CRLS1: variants seen among roughly 807,000 people sequenced by gnomAD.
The protein encoded by CRLS1 is cardiolipin synthase 1, also known as cardiolipin synthase (CMP-forming).
Under a neutral mutation model 37.0 loss-of-function variants are expected in CRLS1, and 24 were observed. The observed-to-expected ratio is 0.65, with a 90% CI of 0.47 to 0.91. The LOEUF is 0.91. CRLS1 is among the 40% of genes least tolerant of loss of function. CRLS1 has a pLI of 0.00. For missense variants in CRLS1, 373 were observed against 395.8 expected, an observed-to-expected ratio of 0.94 and a Z score of 0.49; for synonymous variants, 135 against 159.7, an observed-to-expected ratio of 0.85 and a Z score of 1.17.
intron 3 of CRLS1, among the ~76,000 whole-genome samples, chr20:6,025,005 C>T (rs1256599709): frequency 2.0e-5 from 3 of 152,176 alleles, no homozygotes; most frequent in Non-Finnish European, 4.4e-5. Flanking sequence ...ATCTCCATAA[C>T]ATGGAAGTGC....
intron 3 of CRLS1, among the ~76,000 whole-genome samples, chr20:6,027,149 T>A (rs1477692582): frequency 6.6e-6 from 1 of 151,514 alleles, no homozygotes; most frequent in African/African-American, 2.4e-5. Context: ...AATGGCGCTA[T>A]CTCGGCTCAC....
intron 2 of CRLS1, among the ~76,000 whole-genome samples, chr20:6,010,707 A>T (rs1406737880): frequency 1.3e-5 from 2 of 152,234 alleles, no homozygotes; most frequent in Non-Finnish European, 2.9e-5. Context: ...GTATGACATT[A>T]TTTGTATTAC....
intron 2 of CRLS1, among the ~76,000 whole-genome samples, chr20:6,011,874 C>G (rs1978342622): frequency 6.6e-6 from 1 of 151,840 alleles, no homozygotes; most frequent in Non-Finnish European, 1.5e-5. Context: ...TGTGAGCCAC[C>G]ACACCTGGCC....
chr20:6,023,660 A>G (rs1979448553), intron 3 of CRLS1, among the ~76,000 whole-genome samples: 1 of 147,504 alleles, frequency 6.8e-6, no homozygotes, highest in African/African-American at 2.5e-5. Context: ...CTTCCGAAAG[A>G]TTCCCCCAAC....
rs978481359 is a variant in CRLS1, at chr20:6,037,117, T to C, written c.865T>C (p.Tyr289His). 6.2e-7 allele frequency: 1 copy of C among 1,613,598 alleles called. No individual in the cohort carries two copies. The change falls in exon 7 of 7, where the codon TAT becomes CAT. Residue 289 changes from tyrosine (Y) to histidine (H), a missense_variant. Coordinates refer to ENST00000378863, the MANE Select transcript of CRLS1 (RefSeq NM_019095.6). Reference protein sequence around the residue: ...FTTAASAYSYYHYGRKTVQVI... With the variant: ...FTTAASAYSYHHYGRKTVQVI... Reference sequence around the variant, plus strand: ...CACAGCTGCATCAGCTTATAGTTACTATCATTATGGCCGGAAGACTGTTCA... The same window carrying C: ...CACAGCTGCATCAGCTTATAGTTACCATCATTATGGCCGGAAGACTGTTCA...
At position 6,039,680 on chromosome 20, in the gene CRLS1, G is replaced by T. The variant is rs1279517408; in HGVS notation, c.*2522G>T. ...ATTTGGAAATAGGGTCTTTTTAGAT[G>T]CAGTCAAGATAGAATTAGATCATAC... On this transcript the variant is annotated 3_prime_UTR_variant, in exon 7 of 7. Transcript: ENST00000378863. 6.6e-6 allele frequency: 1 copy of T among 151,382 alleles called. No individual in the cohort carries two copies. Among genetic ancestry groups the T allele is most frequent in the East Asian group, 1.9e-4 (1 of 5,176 alleles). The allele number at this position is 151,382 out of a possible 1,614,324, so 9.4% of individuals were successfully genotyped here.
intron 3 of CRLS1, among the ~76,000 whole-genome samples, chr20:6,019,512 C>CTTTTTTTTTTTTTTTTCTT: frequency 8.4e-6 from 1 of 118,488 alleles, no homozygotes; most frequent in Middle Eastern, 4.4e-3. Context: ...TTTTTTGTCC[C>CTTTTTTTTTTTTTTTTCTT]TTTTTTTTTT....
Position 6,026,471 on chromosome 20 carries a change from G to A in CRLS1, c.575-4814G>A, listed in dbSNP as rs574712183. 6.6e-5 allele frequency among the ~76,000 whole-genome samples: 10 copies of A among 152,214 alleles called. No homozygotes were observed. The South Asian group carries it at 1.0e-3, about 16-fold the overall frequency. On this transcript the variant is annotated intron_variant, in intron 3 of 6. Transcript: ENST00000378863. ...TTTACTGCAGTATTAGCTTTGTTGCGGTGGTCTGGAACAGAGCCTTCAATG... is the reference window on the plus strand; with the variant it reads ...TTTACTGCAGTATTAGCTTTGTTGCAGTGGTCTGGAACAGAGCCTTCAATG...
chr20:6,006,947 T>G, intron 1 of CRLS1: 5 of 497,658 alleles, frequency 1.0e-5, no homozygotes, highest in Non-Finnish European at 1.3e-5. Context: ...CCCTTCTGTT[T>G]GCTTGTGCAA....
intron 3 of CRLS1, among the ~76,000 whole-genome samples, chr20:6,029,185 G>A (rs1979953945): frequency 6.6e-6 from 1 of 151,600 alleles, no homozygotes; most frequent in South Asian, 2.1e-4. Context: ...GGTTACAGAT[G>A]GTAAACTGAG....
At chr20:6,028,105 G>C (rs1979868640) in intron 3 of CRLS1, among the ~76,000 whole-genome samples, 1 of 152,142 alleles carries the variant, frequency 6.6e-6, no homozygotes, top group Non-Finnish European at 1.5e-5. Context: ...CTACTTTTAT[G>C]CTGCATTTTT....
chr20:6,031,078 CTT>C, intron 3 of CRLS1: 1 of 442,844 alleles, frequency 2.3e-6, no homozygotes, highest in South Asian at 4.9e-5. Context: ...CTGTACTTCA[CTT>C]TGTTTTGAGG....
Position 6,008,293 on chromosome 20 carries a change from A to C in CRLS1, c.307-1482A>C, listed in dbSNP as rs1346856703. ...GAAAGTCCCATGGAGTGGAATTGGC[A>C]GTCTTGACACAGCGGAGAAAAAAAA... On this transcript the variant is annotated intron_variant, in intron 1 of 6. Coordinates refer to ENST00000378863, the MANE Select transcript of CRLS1 (RefSeq NM_019095.6). Among the ~76,000 whole-genome samples the C allele has an allele frequency of 3.3e-5, 5 of 152,198 alleles. No individual in the cohort carries two copies. The East Asian group carries it at 9.6e-4, about 29-fold the overall frequency.
At chr20:6,026,233 A>G (rs1979679974) in intron 3 of CRLS1, 1 of 152,240 alleles carries the variant, frequency 6.6e-6, no homozygotes, top group African/African-American at 2.4e-5. Context: ...AGCTGTCAAC[A>G]TTGAGGTAAG....
chr20:6,018,793 G>A (rs1416218838), intron 3 of CRLS1, among the ~76,000 whole-genome samples: 2 of 152,028 alleles, frequency 1.3e-5, no homozygotes, highest in African/African-American at 4.8e-5. Context: ...GTATTCCTAT[G>A]GTCATATCAT....
rs1240371124 is a variant in CRLS1, at chr20:6,034,659, G to A, written c.821+104G>A. On this transcript the variant is annotated intron_variant, in intron 6 of 6. Transcript: ENST00000378863. ...TACAGCATTTGTTGAGCACTGACTG[G>A]GTAAAGCTGTGGCTATATTTGGTGA... The A allele has an allele frequency of 8.8e-6, 7 of 798,714 alleles. No individual in the cohort carries two copies. The East Asian group carries it at 1.5e-4, about 17-fold the overall frequency. 49.5% of individuals were successfully genotyped at this position (798,714 alleles called of 1,614,324 possible). A position where few individuals can be genotyped will look rare whatever the true frequency, so the allele number is the denominator to read the frequency against.
At chr20:6,024,385 A>T (rs542680089) in intron 3 of CRLS1, among the ~76,000 whole-genome samples, 1 of 152,304 alleles carries the variant, frequency 6.6e-6, no homozygotes, top group Admixed American at 6.5e-5. Context: ...AACCCGTCAG[A>T]GTCATCCATG....
chr20:6,030,551 C>T (rs1212420417), intron 3 of CRLS1, among the ~76,000 whole-genome samples: 2 of 151,996 alleles, frequency 1.3e-5, no homozygotes, highest in African/African-American at 4.8e-5. Context: ...GGTGAAATCC[C>T]TTCTCTACAA....
chr20:6,037,001 A>G, intron 6 of CRLS1, 73 bp from the exon 7 acceptor site: 2 of 1,004,376 alleles, frequency 2.0e-6, no homozygotes, highest in East Asian at 2.4e-5. Flanking sequence ...CATTGCATGT[A>G]TTCATTATGA....
Sources: allele counts gnomAD v4.1 joint callset (sites outside exome capture counted in the v4.1 genomes callset), GRCh38; gene constraint gnomAD v4.1.1; transcripts MANE v1.5; gene names NCBI Gene and HGNC (gene_info 2026-07-23, HGNC 2026-07-21).